Variants in TULP4 observed in about 807,000 individuals in gnomAD.
TULP4 encodes TUB like protein 4.
A neutral mutation model predicts 129.0 loss-of-function variants in TULP4; 16 were observed. The observed-to-expected ratio is 0.12, with a 90% CI of 0.08 to 0.19. The LOEUF (loss-of-function observed/expected upper bound fraction) is 0.19, where lower values mean the gene tolerates loss of function less well. Among genes scored for constraint, TULP4 ranks in the 10% least tolerant of loss-of-function variants. The pLI is 1.00. For missense variants in TULP4, 1,842 were observed against 2,059.1 expected (o/e 0.89, Z 2.04); for synonymous variants, 998 against 854.0 (o/e 1.17, Z -2.94).
At chr6:158,343,521 G>A (rs773271637) in intron 1 of TULP4, among the ~76,000 whole-genome samples, 3 of 152,034 alleles carry the variant, frequency 2.0e-5, no homozygotes, top group Admixed American at 6.5e-5. Flanking sequence ...GAGCCATCAC[G>A]AATGGCCTTC....
rs35396796 is a variant in TULP4 at position 158,508,878 on chromosome 6, G to GTTTTTTTT, written c.*2204_*2211dup. 2.6e-5 allele frequency: 2 copies of GTTTTTTTT among 77,684 alleles called. No individual in the cohort carries two copies. Among genetic ancestry groups the GTTTTTTTT allele is most frequent in the African/African-American group, 5.7e-5 (1 of 17,674 alleles). 4.8% of individuals were successfully genotyped at this position (77,684 alleles called of 1,614,324 possible). ...AGAAATAAAGAGGATATGATAGAAG[G>GTTTTTTTT]TTTTTTTTTTTTTTTTTTTTTTTTT... On this transcript the variant is annotated 3_prime_UTR_variant, in exon 14 of 14. Coordinates refer to ENST00000367097, the MANE Select transcript of TULP4 (RefSeq NM_020245.5).
chr6:158,446,821 G>A (rs564746080), intron 3 of TULP4, among the ~76,000 whole-genome samples: 3 of 152,198 alleles, frequency 2.0e-5, no homozygotes, highest in South Asian at 2.1e-4. Flanking sequence ...TCAGTGCTTG[G>A]GTGTAGCGAG....
intron 1 of TULP4, among the ~76,000 whole-genome samples, chr6:158,326,733 G>A (rs1779756058): frequency 6.6e-6 from 1 of 152,116 alleles, no homozygotes; most frequent in Admixed American, 6.5e-5. Flanking sequence ...TCAGGCCCCG[G>A]AGCTAGACTC....
chr6:158,232,798 G>A (rs979335133), intron 1 of TULP4, among the ~76,000 whole-genome samples: 5 of 151,208 alleles, frequency 3.3e-5, no homozygotes, highest in African/African-American at 1.2e-4. Flanking sequence ...TCCCCTGCCG[G>A]ACCAGTCTCC....
intron 1 of TULP4, among the ~76,000 whole-genome samples, chr6:158,293,031 A>G (rs1338243108): frequency 6.6e-6 from 1 of 152,194 alleles, no homozygotes; most frequent in Non-Finnish European, 1.5e-5. Context: ...TCTGAGTATC[A>G]GGTGTAGATT....
chr6:158,325,650 C>T (rs1015818555), intron 1 of TULP4, among the ~76,000 whole-genome samples: 4 of 152,054 alleles, frequency 2.6e-5, no homozygotes, highest in Non-Finnish European at 5.9e-5. Flanking sequence ...CGCGCCCAGC[C>T]GAGGAACAGC....
chr6:158,362,172 C>T (rs1196806228), intron 1 of TULP4, among the ~76,000 whole-genome samples: 2 of 152,208 alleles, frequency 1.3e-5, no homozygotes, highest in African/African-American at 4.8e-5. Flanking sequence ...AACCCACACT[C>T]TGGGTTATTT....
At chr6:158,235,475 A>T (rs2128440803) in intron 1 of TULP4, among the ~76,000 whole-genome samples, 1 of 152,298 alleles carries the variant, frequency 6.6e-6, no homozygotes, top group East Asian at 1.9e-4. Flanking sequence ...CTCAGGGTTC[A>T]TCCATGTTAT....
At chr6:158,425,153 CAAAAAAAAAAAAAA>C (rs562712423) in intron 2 of TULP4, among the ~76,000 whole-genome samples, 1 of 39,796 alleles carries the variant, frequency 2.5e-5, no homozygotes, top group African/African-American at 1.0e-4. Flanking sequence ...GACACCATCT[CAAAAAAAAAAAAAA>C]AAAAAAAAAA....
At chr6:158,444,001 C>G (rs654806) in intron 3 of TULP4, among the ~76,000 whole-genome samples, 33,902 of 151,598 alleles carry the variant, frequency 0.22, 4,575 homozygotes, top group African/African-American at 0.38. Flanking sequence ...GGGCGGATCA[C>G]AAGGTCAGGA....
chr6:158,314,343 C>T (rs889120325), intron 1 of TULP4, 75 bp downstream of exon 1: 8 of 1,531,726 alleles, frequency 5.2e-6, no homozygotes, highest in Middle Eastern at 4.1e-4. Context: ...TTGAAACTTC[C>T]TTCATTTCAG....
intron 1 of TULP4, among the ~76,000 whole-genome samples, chr6:158,247,891 A>G (rs910287479): frequency 6.6e-6 from 1 of 152,216 alleles, no homozygotes; most frequent in Non-Finnish European, 1.5e-5. Flanking sequence ...AGGCTGAGAA[A>G]ATATACAGGA....
chr6:158,486,443 C>G (rs780436494), intron 8 of TULP4, among the ~76,000 whole-genome samples: 5 of 152,106 alleles, frequency 3.3e-5, no homozygotes, highest in Non-Finnish European at 7.4e-5. Flanking sequence ...GTCCCAGCTA[C>G]TCAGGAGGCT....
intron 5 of TULP4, among the ~76,000 whole-genome samples, chr6:158,457,368 T>C (rs1779315332): frequency 6.6e-6 from 1 of 152,154 alleles, no homozygotes; most frequent in African/African-American, 2.4e-5. Flanking sequence ...CACACTTCAT[T>C]TTCACTGCAG....
At position 158,372,423 on chromosome 6, in the gene TULP4, G is replaced by A. The variant is rs562406305; in HGVS notation, c.253-40642G>A. ...AACATTGAACCACAAGACTTACTGA[G>A]TTATGTAATAGCAGAAATATCATTG... On this transcript the variant is annotated intron_variant, in intron 1 of 13. Transcript: ENST00000367097. Among the ~76,000 whole-genome samples, 3 of 152,100 alleles carry A rather than the reference G, an allele frequency of 2.0e-5. No homozygotes were observed. The South Asian group carries it at 6.2e-4, about 32-fold the overall frequency.
At chr6:158,372,415 C>T (rs1777094459) in intron 1 of TULP4, among the ~76,000 whole-genome samples, 3 of 151,894 alleles carry the variant, frequency 2.0e-5, no homozygotes, top group Admixed American at 6.6e-5. Flanking sequence ...AACCACAAGA[C>T]TTACTGAGTT....
At chr6:158,491,126 C>T (rs1009225505) in intron 9 of TULP4, among the ~76,000 whole-genome samples, 6 of 152,196 alleles carry the variant, frequency 3.9e-5, no homozygotes, top group East Asian at 3.9e-4. Flanking sequence ...GCCGCACCCA[C>T]GTAAATCCCT....
At chr6:158,321,796 C>T (rs1301852433) in intron 1 of TULP4, among the ~76,000 whole-genome samples, 1 of 152,154 alleles carries the variant, frequency 6.6e-6, no homozygotes, top group Non-Finnish European at 1.5e-5. Context: ...TTGTGGAGGA[C>T]TCAACAATCT....
At chr6:158,425,241 C>T (rs1471479438) in intron 2 of TULP4, among the ~76,000 whole-genome samples, 3 of 148,816 alleles carry the variant, frequency 2.0e-5, no homozygotes, top group Admixed American at 1.4e-4. Context: ...AGGCTGGGTG[C>T]GGTGGCTCAC....
Sources: gnomAD v4.1 joint callset for allele counts (sites outside exome capture counted in the v4.1 genomes callset) on GRCh38, gnomAD v4.1.1 for gene constraint, MANE v1.5 for transcripts, NCBI Gene and HGNC (gene_info 2026-07-23, HGNC 2026-07-21) for gene names.